The following TNIK variants were observed in gnomAD, a reference collection of about 807,000 sequenced individuals.
TNIK encodes the protein TRAF2 and NCK-interacting protein kinase.
Under a neutral mutation model 191.3 loss-of-function variants are expected in TNIK, and 49 were observed. That is an observed-to-expected ratio of 0.26 (90% CI 0.20 to 0.32). The LOEUF is 0.32. Among genes scored for constraint, TNIK ranks in the 10% least tolerant of loss-of-function variants. The pLI is 1.00. For synonymous variants in TNIK, 594 were observed against 600.9 expected (o/e 0.99, Z 0.17); for missense variants, 1,155 against 1,702.3 (o/e 0.68, Z 5.66).
chr3:171,228,773 T>A (rs920295430), intron 2 of TNIK, among the ~76,000 whole-genome samples: 3 of 152,204 alleles, frequency 2.0e-5, no homozygotes, highest in African/African-American at 7.2e-5. Context: ...TAGGAACTGC[T>A]TCCCCAAGGT....
intron 21 of TNIK, among the ~76,000 whole-genome samples, chr3:171,104,190 C>T (rs1186367214): frequency 6.6e-6 from 1 of 151,954 alleles, no homozygotes; most frequent in Non-Finnish European, 1.5e-5. Context: ...ATTAATCTTC[C>T]ATTGCTAAGA....
intron 2 of TNIK, among the ~76,000 whole-genome samples, chr3:171,337,010 C>T (rs939999262): frequency 2.0e-5 from 3 of 152,156 alleles, no homozygotes; most frequent in Admixed American, 6.6e-5. Flanking sequence ...TCACCTCTTC[C>T]CCACAGCCTC....
intron 5 of TNIK, among the ~76,000 whole-genome samples, chr3:171,191,204 T>C (rs1738024268): frequency 6.6e-6 from 1 of 152,240 alleles, no homozygotes; most frequent in Non-Finnish European, 1.5e-5. Flanking sequence ...CTGCAGGATA[T>C]TTGAATTTAA....
chr3:171,157,730 G>C (rs1244900643), intron 11 of TNIK, 66 bp from the exon 12 acceptor site: 56 of 1,497,094 alleles, frequency 3.7e-5, no homozygotes, highest in Non-Finnish European at 4.7e-5. Context: ...AAGAGGCCTT[G>C]GAGGAGGAAA....
rs1192113848 is a variant in TNIK, at chr3:171,085,220, C to T, written c.2896G>A (p.Gly966Arg). The change falls in exon 25 of 33, where the codon GGG (glycine) becomes AGG (arginine). Residue 966 changes from glycine to arginine, a missense_variant. Around this residue, in one of 3 missense-constraint regions of TNIK, gnomAD observed 735 missense variants for 848.0 expected, o/e 0.87. Transcript: ENST00000436636. ...GTGAAGGAGGCTTTGGTGCTGCTCC[C>T]CATGCCATACTAATCAATAAGCAAG... ...EMDSGTEYGM[G>R]SSTKASFTPF... 1 of 1,607,414 alleles carries T rather than the reference C, an allele frequency of 6.2e-7. No homozygotes were observed. Among genetic ancestry groups the T allele is most frequent in the Non-Finnish European group, 8.5e-7 (1 of 1,177,024 alleles).
intron 4 of TNIK, among the ~76,000 whole-genome samples, chr3:171,196,796 A>C (rs1738731091): frequency 6.6e-6 from 1 of 152,084 alleles, no homozygotes; most frequent in Admixed American, 6.6e-5. Flanking sequence ...ACAGAGTCTC[A>C]CTGTGTCACC....
intron 3 of TNIK, among the ~76,000 whole-genome samples, chr3:171,218,180 C>T (rs1741690286): frequency 6.6e-6 from 1 of 152,046 alleles, no homozygotes; most frequent in African/African-American, 2.4e-5. Flanking sequence ...GGTCAGAGAG[C>T]CATGAAGTGT....
chr3:171,136,919 T>C (rs150527216), intron 15 of TNIK, among the ~76,000 whole-genome samples: 14 of 152,226 alleles, frequency 9.2e-5, no homozygotes, highest in South Asian at 2.1e-4. Flanking sequence ...GTTAGAGACA[T>C]AGGTAAATAT....
chr3:171,369,724 T>C, intron 1 of TNIK, 39 bp from the exon 2 acceptor site: 2 of 1,504,994 alleles, frequency 1.3e-6, no homozygotes, highest in East Asian at 4.9e-5. Context: ...TTCAAAACAA[T>C]ATTCCAGGCA....
At chr3:171,211,025 A>G in intron 4 of TNIK, 91 bp downstream of exon 4, 2 of 1,502,692 alleles carry the variant, frequency 1.3e-6, no homozygotes, top group South Asian at 2.5e-5. Context: ...AGAAGGAGTT[A>G]ATCAAATTTT....
intron 2 of TNIK, among the ~76,000 whole-genome samples, chr3:171,292,826 A>G (rs1310446764): frequency 1.3e-5 from 2 of 149,054 alleles, no homozygotes; most frequent in African/African-American, 2.5e-5. Context: ...CAGAGTTTAT[A>G]CTCACAATCT....
chr3:171,176,177 A>G (rs1160515784), intron 8 of TNIK, among the ~76,000 whole-genome samples: 3 of 152,210 alleles, frequency 2.0e-5, no homozygotes, highest in Non-Finnish European at 4.4e-5. Context: ...ACCACTCATC[A>G]AGAATGATAA....
At chr3:171,097,663 C>G (rs1560104134) in intron 22 of TNIK, among the ~76,000 whole-genome samples, 1 of 152,232 alleles carries the variant, frequency 6.6e-6, no homozygotes, top group Admixed American at 6.5e-5. Context: ...CCTCATTCAC[C>G]TTCCACCATG....
chr3:171,304,300 C>G (rs1198674084), intron 2 of TNIK, among the ~76,000 whole-genome samples: 1 of 152,024 alleles, frequency 6.6e-6, no homozygotes, highest in Non-Finnish European at 1.5e-5. Flanking sequence ...CAAATCAAAA[C>G]CACAATGAGA....
intron 27 of TNIK, 121 bp downstream of exon 27, chr3:171,082,130 T>G: frequency 7.4e-7 from 1 of 1,350,160 alleles, no homozygotes. Flanking sequence ...CTGGCTATAC[T>G]GCTATACTTT....
intron 2 of TNIK, among the ~76,000 whole-genome samples, chr3:171,252,644 T>C (rs13075838): frequency 0.14 from 20,937 of 152,260 alleles, 1,865 homozygotes; most frequent in Non-Finnish European, 0.19. Context: ...ATTAGAGCGA[T>C]ATTTTACATC....
At chr3:171,261,254 A>G (rs1747568739) in intron 2 of TNIK, among the ~76,000 whole-genome samples, 1 of 152,160 alleles carries the variant, frequency 6.6e-6, no homozygotes, top group Non-Finnish European at 1.5e-5. Flanking sequence ...ACCTTTGCTC[A>G]TGCTGATTGC....
At chr3:171,066,117 TGAAGGTTTCACAG>T in intron 32 of TNIK, 57 bp downstream of exon 32, 2 of 1,575,376 alleles carry the variant, frequency 1.3e-6, no homozygotes, top group Non-Finnish European at 1.7e-6. Flanking sequence ...TAAAGGAAAA[TGAAGGTTTCACAG>T]GTACCTGGTG....
At chr3:171,263,607 C>T (rs528069022) in intron 2 of TNIK, among the ~76,000 whole-genome samples, 2 of 152,098 alleles carry the variant, frequency 1.3e-5, no homozygotes, top group South Asian at 2.1e-4. Flanking sequence ...ATAAAACATA[C>T]TTTTCCTTTA....
Sources: gnomAD v4.1 joint callset for allele counts (sites outside exome capture counted in the v4.1 genomes callset) on GRCh38, gnomAD v4.1.1 for gene constraint, gnomAD v4.1.1 regional missense constraint, MANE v1.5 for transcripts, NCBI Gene and HGNC (gene_info 2026-07-23, HGNC 2026-07-21) for gene names.